The following IPCEF1 variants were observed in gnomAD, a reference collection of about 807,000 sequenced individuals.
IPCEF1 encodes the protein interaction protein for cytohesin exchange factors 1.
Under a neutral mutation model 50.9 loss-of-function variants are expected in IPCEF1, and 31 were observed. The observed-to-expected ratio is 0.61, with a 90% CI of 0.46 to 0.82. IPCEF1 has a LOEUF of 0.82. Among genes scored for constraint, IPCEF1 ranks in the 40% least tolerant of loss-of-function variants. IPCEF1 has a pLI of 0.00. For synonymous variants in IPCEF1, 181 were observed against 192.0 expected (o/e 0.94, Z 0.47); for missense variants, 458 against 514.0 (o/e 0.89, Z 1.05).
chr6:154,328,587 G>T (rs1045985845), intron 1 of IPCEF1, among the ~76,000 whole-genome samples: 3 of 144,960 alleles, frequency 2.1e-5, no homozygotes, highest in Non-Finnish European at 4.5e-5. Flanking sequence ...TTTCTAAAAA[G>T]AAAATTAAAA....
At chr6:154,210,262 T>C (rs1420504794) in intron 9 of IPCEF1, among the ~76,000 whole-genome samples, 2 of 152,306 alleles carry the variant, frequency 1.3e-5, no homozygotes, top group Non-Finnish European at 2.9e-5. Flanking sequence ...AGTTTGCCAT[T>C]ATAAAACTGA....
At chr6:154,191,957 G>T (rs944374840) in intron 10 of IPCEF1, among the ~76,000 whole-genome samples, 1 of 151,708 alleles carries the variant, frequency 6.6e-6, no homozygotes, top group African/African-American at 2.4e-5. Context: ...TTTTACATAA[G>T]AGCCCACAAC....
chr6:154,312,022 A>G (rs1367265352), intron 1 of IPCEF1, among the ~76,000 whole-genome samples: 1 of 152,276 alleles, frequency 6.6e-6, no homozygotes, highest in African/African-American at 2.4e-5. Flanking sequence ...CCACATTCAT[A>G]GCAGCACTAT....
chr6:154,214,697 G>A (rs936159265), intron 7 of IPCEF1, among the ~76,000 whole-genome samples: 2 of 152,110 alleles, frequency 1.3e-5, no homozygotes, highest in African/African-American at 2.4e-5. Flanking sequence ...AAAAATGTAC[G>A]AAAAGATCAT....
At chr6:154,204,861 C>A (rs1388605018) in intron 9 of IPCEF1, among the ~76,000 whole-genome samples, 1 of 152,174 alleles carries the variant, frequency 6.6e-6, no homozygotes, top group African/African-American at 2.4e-5. Flanking sequence ...TTCATTAGAG[C>A]TTAGAAGGTC....
At chr6:154,233,632 T>A (rs1779891719) in intron 5 of IPCEF1, among the ~76,000 whole-genome samples, 1 of 152,142 alleles carries the variant, frequency 6.6e-6, no homozygotes, top group Non-Finnish European at 1.5e-5. Flanking sequence ...AAGAATTGAT[T>A]ACGCTAATGA....
At chr6:154,348,067 C>T (rs868004196) in intron 1 of IPCEF1, among the ~76,000 whole-genome samples, 2 of 152,268 alleles carry the variant, frequency 1.3e-5, no homozygotes, top group South Asian at 4.1e-4. Context: ...TTTGGTGACT[C>T]GGTGTCTCTC....
chr6:154,213,075 A>G (rs954671823), intron 8 of IPCEF1: 9 of 517,388 alleles, frequency 1.7e-5, no homozygotes, highest in East Asian at 3.0e-5. Flanking sequence ...AGCATCCAAT[A>G]TGCAGGAAGA....
At chr6:154,203,083 C>T (rs1440066250) in intron 9 of IPCEF1, among the ~76,000 whole-genome samples, 1 of 152,196 alleles carries the variant, frequency 6.6e-6, no homozygotes, top group Non-Finnish European at 1.5e-5. Flanking sequence ...TTCTAACATT[C>T]TGGAGAAACC....
chr6:154,322,601 G>A (rs1419106076), intron 1 of IPCEF1, among the ~76,000 whole-genome samples: 1 of 152,098 alleles, frequency 6.6e-6, no homozygotes, highest in Non-Finnish European at 1.5e-5. Context: ...ACTTTGGGAG[G>A]CCGAGGGAGG....
At chr6:154,229,510 C>T (rs1307993756) in intron 5 of IPCEF1, among the ~76,000 whole-genome samples, 3 of 151,006 alleles carry the variant, frequency 2.0e-5, no homozygotes, top group South Asian at 2.1e-4. Flanking sequence ...CCACCACACC[C>T]GGCTCATTTT....
intron 5 of IPCEF1, among the ~76,000 whole-genome samples, chr6:154,231,586 TAGTG>T (rs1779724867): frequency 6.6e-6 from 1 of 152,170 alleles, no homozygotes; most frequent in Admixed American, 6.5e-5. Context: ...CTCTAGGACA[TAGTG>T]AGAGAAAAAG....
intron 9 of IPCEF1, among the ~76,000 whole-genome samples, chr6:154,210,781 T>C (rs543780649): frequency 3.0e-4 from 46 of 152,352 alleles, no homozygotes; most frequent in African/African-American, 1.0e-3. Context: ...CAAAGTTTAA[T>C]TTTATTTATA....
chr6:154,182,576 T>A (rs957310800), intron 10 of IPCEF1, among the ~76,000 whole-genome samples: 1 of 152,226 alleles, frequency 6.6e-6, no homozygotes, highest in African/African-American at 2.4e-5. Flanking sequence ...TGTTTCCTCA[T>A]ATGCTAAGAA....
At chr6:154,250,252 TAAA>T (rs75500632) in intron 3 of IPCEF1, among the ~76,000 whole-genome samples, 6 of 125,328 alleles carry the variant, frequency 4.8e-5, no homozygotes, top group East Asian at 2.2e-4. Flanking sequence ...GCTAGGTAAG[TAAA>T]AAAAAAAAAA....
At chr6:154,194,583 C>A (rs1018356204) in intron 10 of IPCEF1, among the ~76,000 whole-genome samples, 14 of 152,164 alleles carry the variant, frequency 9.2e-5, no homozygotes, top group African/African-American at 3.4e-4. Context: ...TACCTCCAAA[C>A]TCTAGATTAC....
At chr6:154,315,744 CAAATTTGAAGTTTT>C (rs1562285742) in intron 1 of IPCEF1, among the ~76,000 whole-genome samples, 1 of 152,032 alleles carries the variant, frequency 6.6e-6, no homozygotes, top group African/African-American at 2.4e-5. Context: ...AAAACAGAGT[CAAATTTGAAGTTTT>C]AAATATTGAT....
At chr6:154,265,886 C>A in intron 3 of IPCEF1, 26 bp downstream of exon 3, 2 of 1,540,244 alleles carry the variant, frequency 1.3e-6, no homozygotes, top group South Asian at 1.2e-5. Context: ...ATATCTAAAG[C>A]CTGGGGTATT....
rs988308631 is a variant in IPCEF1 at position 154,338,409 on chromosome 6, C to T, written c.-62+18263G>A. On this transcript the variant is annotated intron_variant, in intron 1 of 11. Transcript: ENST00000367220. ...CCAAATGTGTCCATCTTGTTAGTGA[C>T]AACTGTTCACAGCCTAGACTTTTTA... Among the ~76,000 whole-genome samples, 15 of 152,250 alleles carry T rather than the reference C, an allele frequency of 9.9e-5. No individual in the cohort carries two copies. The South Asian group carries it at 1.9e-3, about 19-fold the overall frequency.
Sources: gnomAD v4.1 joint callset for allele counts (sites outside exome capture counted in the v4.1 genomes callset) on GRCh38, gnomAD v4.1.1 for gene constraint, MANE v1.5 for transcripts, NCBI Gene and HGNC (gene_info 2026-07-23, HGNC 2026-07-21) for gene names.